LARP4B: variants seen among roughly 807,000 people sequenced by gnomAD.
LARP4B encodes the protein La ribonucleoprotein 4B.
A neutral mutation model predicts 89.8 loss-of-function variants in LARP4B; 12 were observed. The ratio of observed to expected loss-of-function variants is 0.13; its 90% CI spans 0.09 to 0.22. LARP4B has a LOEUF of 0.22. LARP4B is among the 10% of genes least tolerant of loss of function. The pLI is 1.00. For missense variants in LARP4B, 757 were observed against 947.7 expected (o/e 0.80, Z 2.64); for synonymous variants, 367 against 363.3 (o/e 1.01, Z -0.12).
downstream of LARP4B, chr10:807,758 C>G (rs929589019): frequency 2.0e-5 from 3 of 152,312 alleles, no homozygotes; most frequent in African/African-American, 7.3e-5. Flanking sequence ...GACATAAGTT[C>G]CATAAGCACC....
intron 1 of LARP4B, among the ~76,000 whole-genome samples, chr10:891,333 G>A (rs575359856): frequency 6.6e-6 from 1 of 152,190 alleles, no homozygotes; most frequent in Non-Finnish European, 1.5e-5. Flanking sequence ...GCTTTACTTG[G>A]ATAAAGGAAA....
intron 1 of LARP4B, among the ~76,000 whole-genome samples, chr10:912,448 C>A (rs549429380): frequency 3.9e-5 from 6 of 152,090 alleles, no homozygotes; most frequent in Non-Finnish European, 5.9e-5. Flanking sequence ...TCTGTGCCTG[C>A]TTTTCAAATT....
At chr10:846,105 C>T (rs1833765844) in intron 5 of LARP4B, among the ~76,000 whole-genome samples, 1 of 152,192 alleles carries the variant, frequency 6.6e-6, no homozygotes, top group African/African-American at 2.4e-5. Flanking sequence ...ATTGAAAACA[C>T]AACCTGATGC....
At chr10:882,818 C>T (rs550495217) in intron 3 of LARP4B, among the ~76,000 whole-genome samples, 1 of 152,274 alleles carries the variant, frequency 6.6e-6, no homozygotes, top group African/African-American at 2.4e-5. Flanking sequence ...TGCACGTCTC[C>T]TCCTACTCAA....
At chr10:895,251 T>G (rs1836150484) in intron 1 of LARP4B, among the ~76,000 whole-genome samples, 1 of 151,958 alleles carries the variant, frequency 6.6e-6, no homozygotes, top group Non-Finnish European at 1.5e-5. Context: ...TCCACAATAA[T>G]AAGTAAAAGA....
At chr10:987,825 T>G in the LARP4B span, 1 of 152,384 alleles carries the variant, frequency 6.6e-6, no homozygotes, top group Non-Finnish European at 1.5e-5. Context: ...GCACCTCTTT[T>G]GCCTTAGATC....
chr10:828,883 G>C (rs1451562483), intron 11 of LARP4B, among the ~76,000 whole-genome samples: 2 of 152,102 alleles, frequency 1.3e-5, no homozygotes, highest in African/African-American at 2.4e-5. Flanking sequence ...AAGAGACAAT[G>C]TCTAGATCCA....
At chr10:849,167 CAG>C (rs2131766166) in intron 5 of LARP4B, among the ~76,000 whole-genome samples, 1 of 151,746 alleles carries the variant, frequency 6.6e-6, no homozygotes, top group East Asian at 1.9e-4. Context: ...CAAAGGAAAA[CAG>C]AAAAAAAGGG....
chr10:973,099 T>C, the LARP4B span: 1 of 360,162 alleles, frequency 2.8e-6, no homozygotes, highest in East Asian at 7.3e-5. Context: ...GCTGCCTTTC[T>C]TGCAGAGAGT....
intron 1 of LARP4B, among the ~76,000 whole-genome samples, chr10:898,985 A>G (rs1836261541): frequency 6.6e-6 from 1 of 152,224 alleles, no homozygotes; most frequent in South Asian, 2.1e-4. Flanking sequence ...ACCTCAGAGA[A>G]GTGCACCTAC....
chr10:961,808 C>A, the LARP4B span, among the ~76,000 whole-genome samples: 1 of 152,198 alleles, frequency 6.6e-6, no homozygotes, highest in African/African-American at 2.4e-5. Flanking sequence ...ACAGCACCAG[C>A]CACTCATGAG....
intron 3 of LARP4B, among the ~76,000 whole-genome samples, chr10:878,270 C>T (rs1048924233): frequency 1.3e-5 from 2 of 152,058 alleles, no homozygotes; most frequent in African/African-American, 2.4e-5. Flanking sequence ...TTGGCCTTCT[C>T]GAAGGGATCC....
chr10:947,708 G>A, the LARP4B span, among the ~76,000 whole-genome samples: 2 of 152,008 alleles, frequency 1.3e-5, no homozygotes, highest in Non-Finnish European at 2.9e-5. Context: ...CGCAACCTCC[G>A]CCTCCCAGGT....
intron 1 of LARP4B, among the ~76,000 whole-genome samples, chr10:898,663 T>C (rs1008426453): frequency 2.0e-5 from 3 of 152,234 alleles, no homozygotes; most frequent in Non-Finnish European, 4.4e-5. Flanking sequence ...GAAAGGGTAA[T>C]GTGAAAACAC....
At chr10:984,572 G>A in the LARP4B span, among the ~76,000 whole-genome samples, 9 of 152,252 alleles carry the variant, frequency 5.9e-5, 1 homozygote, top group Middle Eastern at 0.014. Context: ...CATGATCCAC[G>A]CACAGGAACG....
At chr10:911,939 A>G (rs1051049847) in intron 1 of LARP4B, among the ~76,000 whole-genome samples, 2 of 152,180 alleles carry the variant, frequency 1.3e-5, no homozygotes, top group African/African-American at 4.8e-5. Flanking sequence ...GTTTCTTTAC[A>G]CATTTAGACA....
chr10:979,814 A>G, the LARP4B span, among the ~76,000 whole-genome samples: 1 of 152,072 alleles, frequency 6.6e-6, no homozygotes, highest in Non-Finnish European at 1.5e-5. Context: ...TACTAAACAT[A>G]CAAAAAATTA....
At chr10:885,075 C>T (rs1157872676) in intron 2 of LARP4B, among the ~76,000 whole-genome samples, 8 of 152,156 alleles carry the variant, frequency 5.3e-5, no homozygotes, top group Non-Finnish European at 8.8e-5. Flanking sequence ...GAGGAAACAG[C>T]AGAATCAGGC....
chr10:854,402 G>A (rs777079198), intron 5 of LARP4B, among the ~76,000 whole-genome samples: 6 of 152,072 alleles, frequency 3.9e-5, no homozygotes, highest in Non-Finnish European at 5.9e-5. Flanking sequence ...CTTATGAAAT[G>A]TATTTTTTAA....
Sources: gnomAD v4.1 joint callset for allele counts (sites outside exome capture counted in the v4.1 genomes callset) on GRCh38, gnomAD v4.1.1 for gene constraint, MANE v1.5 for transcripts, NCBI Gene and HGNC (gene_info 2026-07-23, HGNC 2026-07-21) for gene names.